Variants in ACSL3 observed in about 807,000 individuals in gnomAD.
The protein encoded by ACSL3 is fatty acid CoA ligase Acsl3.
A neutral mutation model predicts 84.7 loss-of-function variants in ACSL3; 34 were observed. That is an observed-to-expected ratio of 0.40 (90% CI 0.31 to 0.53). ACSL3 has a LOEUF of 0.53. Ranked by LOEUF, ACSL3 falls within the 20% of genes least tolerant of loss-of-function variation. The probability of loss-of-function intolerance (pLI) is 0.48; values close to 1 mark genes in which losing one functional copy is unlikely to be tolerated. For missense variants in ACSL3, 680 were observed against 873.1 expected, an observed-to-expected ratio of 0.78 and a Z score of 2.79; for synonymous variants, 315 against 299.4, an observed-to-expected ratio of 1.05 and a Z score of -0.54.
chr2:222,935,285 G>A (rs1171214381), intron 16 of ACSL3, among the ~76,000 whole-genome samples: 3 of 152,060 alleles, frequency 2.0e-5, no homozygotes, highest in Admixed American at 2.0e-4. Context: ...GAACTCCCAG[G>A]CTCAAGCGAT....
chr2:222,888,183 C>T (rs1574528398), intron 2 of ACSL3, among the ~76,000 whole-genome samples: 1 of 152,072 alleles, frequency 6.6e-6, no homozygotes. Context: ...ATGAATTAGA[C>T]CATTTTAATA....
chr2:222,891,933 T>C (rs1695853300), intron 2 of ACSL3, among the ~76,000 whole-genome samples: 1 of 152,198 alleles, frequency 6.6e-6, no homozygotes, highest in African/African-American at 2.4e-5. Flanking sequence ...CTAATCCAGA[T>C]AGTAATATGA....
chr2:222,921,476 G>A, intron 8 of ACSL3, 46 bp downstream of exon 8: 1 of 1,487,212 alleles, frequency 6.7e-7, no homozygotes, highest in Admixed American at 1.7e-5. Flanking sequence ...ATTTATGTCT[G>A]TTATAATGTT....
intron 1 of ACSL3, among the ~76,000 whole-genome samples, chr2:222,866,347 A>T (rs112316441): frequency 1.3e-3 from 203 of 152,220 alleles, no homozygotes; most frequent in African/African-American, 3.9e-3. Context: ...GGGTTTCACC[A>T]TGTTAGTCAG....
At chr2:222,913,628 C>T (rs1169420113) in intron 4 of ACSL3, among the ~76,000 whole-genome samples, 1 of 152,118 alleles carries the variant, frequency 6.6e-6, no homozygotes, top group Non-Finnish European at 1.5e-5. Flanking sequence ...TCACACACAG[C>T]ATAAAAATGA....
intron 16 of ACSL3, among the ~76,000 whole-genome samples, chr2:222,940,424 C>T (rs1466027384): frequency 6.6e-6 from 1 of 151,376 alleles, no homozygotes; most frequent in African/African-American, 2.4e-5. Flanking sequence ...ATGTATCCTT[C>T]TCCTCACATC....
chr2:222,914,522 A>G (rs1473424362), intron 4 of ACSL3, among the ~76,000 whole-genome samples: 5 of 152,092 alleles, frequency 3.3e-5, no homozygotes, highest in African/African-American at 1.2e-4. Context: ...TCAGCCTTCC[A>G]AAGTGTTGAG....
At chr2:222,913,455 A>G (rs190167158) in intron 4 of ACSL3, among the ~76,000 whole-genome samples, 171 of 152,160 alleles carry the variant, frequency 1.1e-3, no homozygotes, top group African/African-American at 4.1e-3. Context: ...TCCCCTTCCA[A>G]ACTGTCCCTC....
chr2:222,925,242 A>C (rs1299042532), intron 11 of ACSL3, among the ~76,000 whole-genome samples: 1 of 151,384 alleles, frequency 6.6e-6, no homozygotes, highest in Non-Finnish European at 1.5e-5. Flanking sequence ...AGGCTGAAGC[A>C]GGAGAATTGC....
intron 1 of ACSL3, among the ~76,000 whole-genome samples, chr2:222,866,602 C>T (rs1219454053): frequency 6.6e-6 from 1 of 152,124 alleles, no homozygotes; most frequent in Non-Finnish European, 1.5e-5. Context: ...GGCGCTGCAT[C>T]TCCTCTCTGG....
At chr2:222,892,681 A>G (rs1277430894) in intron 2 of ACSL3, among the ~76,000 whole-genome samples, 2 of 152,204 alleles carry the variant, frequency 1.3e-5, no homozygotes, top group Non-Finnish European at 2.9e-5. Flanking sequence ...CCCCAACAAT[A>G]AGGTATTAAC....
chr2:222,925,149 CA>C (rs1161058924), intron 11 of ACSL3, among the ~76,000 whole-genome samples: 1 of 151,948 alleles, frequency 6.6e-6, no homozygotes, highest in Non-Finnish European at 1.5e-5. Context: ...CCAGCCTGGC[CA>C]ACGTGACAAA....
In ACSL3 at chr2:222,944,463, C is replaced by G. The variant is rs1458141653; in HGVS notation, c.*2809C>G. The G allele has an allele frequency of 6.6e-6, 1 of 152,030 alleles. No individual in the cohort carries two copies. The highest frequency in any genetic ancestry group is 1.5e-5 in the Non-Finnish European group (1 of 67,972). 9.4% of individuals were successfully genotyped at this position (152,030 alleles called of 1,614,324 possible). A position where few individuals can be genotyped will look rare whatever the true frequency, so the allele number is the denominator to read the frequency against. On this transcript the variant is annotated 3_prime_UTR_variant, in exon 17 of 17. Transcript: ENST00000357430. Reference sequence around the variant, plus strand: ...CACACTGAAATGTCATATATCCTTTCTCTACTTAAAATTGGTTATTTACTG... The same window carrying G: ...CACACTGAAATGTCATATATCCTTTGTCTACTTAAAATTGGTTATTTACTG...
At chr2:222,910,885 T>G (rs553285873) in intron 4 of ACSL3, among the ~76,000 whole-genome samples, 1 of 152,330 alleles carries the variant, frequency 6.6e-6, no homozygotes, top group African/African-American at 2.4e-5. Context: ...CTGAATTTTT[T>G]TCTATTTAAG....
At chr2:222,927,505 A>G (rs1696913586) in intron 12 of ACSL3, among the ~76,000 whole-genome samples, 1 of 152,198 alleles carries the variant, frequency 6.6e-6, no homozygotes, top group Non-Finnish European at 1.5e-5. Flanking sequence ...TCAGTGATTA[A>G]ATTTCTTTTT....
intron 16 of ACSL3, among the ~76,000 whole-genome samples, chr2:222,936,070 G>T (rs1697163957): frequency 6.6e-6 from 1 of 151,984 alleles, no homozygotes; most frequent in South Asian, 2.1e-4. Flanking sequence ...TATTCATATT[G>T]TACCATGTGA....
intron 1 of ACSL3, among the ~76,000 whole-genome samples, chr2:222,869,186 G>A (rs532862800): frequency 3.3e-5 from 5 of 152,202 alleles, no homozygotes; most frequent in African/African-American, 1.2e-4. Context: ...TTGTTCAGTG[G>A]AGAAGGAACC....
At chr2:222,920,930 A>T in intron 7 of ACSL3, 1 of 478,706 alleles carries the variant, frequency 2.1e-6, no homozygotes, top group Non-Finnish European at 4.3e-6. Context: ...TCCCAGTTCC[A>T]GGGTTTCCAT....
intron 3 of ACSL3, 81 bp from the exon 4 acceptor site, chr2:222,908,652 A>AG: frequency 1.0e-6 from 1 of 987,778 alleles, no homozygotes; most frequent in Non-Finnish European, 1.5e-6. Flanking sequence ...AAAAAAAAAA[A>AG]TCTTCATTTG....
Sources: allele counts gnomAD v4.1 joint callset (sites outside exome capture counted in the v4.1 genomes callset), GRCh38; gene constraint gnomAD v4.1.1; transcripts MANE v1.5; gene names NCBI Gene and HGNC (gene_info 2026-07-23, HGNC 2026-07-21).